TTC12: variants seen among roughly 807,000 people sequenced by gnomAD.
TTC12 encodes the protein tetratricopeptide repeat protein 12.
A neutral mutation model predicts 90.1 loss-of-function variants in TTC12; 70 were observed. The observed-to-expected ratio is 0.78, with a 90% CI of 0.64 to 0.95. TTC12 has a LOEUF of 0.95. TTC12 is among the 40% of genes least tolerant of loss of function. The probability of loss-of-function intolerance (pLI) is 0.00; values close to 1 mark genes in which losing one functional copy is unlikely to be tolerated. For synonymous variants in TTC12, 296 were observed against 311.5 expected, an observed-to-expected ratio of 0.95 and a Z score of 0.53; for missense variants, 819 against 846.1, an observed-to-expected ratio of 0.97 and a Z score of 0.40.
intron 13 of TTC12, among the ~76,000 whole-genome samples, chr11:113,348,197 A>G (rs1272900065): frequency 6.6e-6 from 1 of 152,132 alleles, no homozygotes; most frequent in African/African-American, 2.4e-5. Flanking sequence ...ATAAATCAAA[A>G]TTGGGTCTTC....
chr11:113,361,881 T>A (rs187416354), intron 18 of TTC12, among the ~76,000 whole-genome samples: 2 of 150,988 alleles, frequency 1.3e-5, no homozygotes, highest in East Asian at 3.9e-4. Context: ...AAAAAAATAG[T>A]AACTATCATT....
intron 16 of TTC12, among the ~76,000 whole-genome samples, chr11:113,353,795 G>A (rs950033855): frequency 1.8e-4 from 27 of 152,048 alleles, no homozygotes; most frequent in Non-Finnish European, 3.2e-4. Flanking sequence ...TTATTTCTGC[G>A]TTCTTTATTC....
chr11:113,344,361 C>A lies in TTC12; in HGVS notation c.1075C>A (p.Gln359Lys). Reference protein sequence around the residue: ...LSSKVLAIRQQSFALLLHLAQ... With the variant: ...LSSKVLAIRQKSFALLLHLAQ... Reference sequence around the variant, plus strand: ...CTCCAAGGTCCTGGCCATCCGGCAGCAGAGCTTTGCCCTGCTGCTGCATCT... The same window carrying A: ...CTCCAAGGTCCTGGCCATCCGGCAGAAGAGCTTTGCCCTGCTGCTGCATCT... The change falls in exon 13 of 22, where the codon CAG (glutamine) becomes AAG (lysine). Residue 359 changes from glutamine to lysine, a missense_variant. Gln to Lys is a moderately conservative substitution (Grantham distance 53, BLOSUM62 1). Coordinates refer to ENST00000529221, the MANE Select transcript of TTC12 (RefSeq NM_017868.4). The A allele has an allele frequency of 6.2e-7, 1 of 1,614,228 alleles. No individual in the cohort carries two copies. The highest frequency in any genetic ancestry group is 8.5e-7 in the Non-Finnish European group (1 of 1,180,036).
At chr11:113,319,035 G>A (rs1555137046) in intron 2 of TTC12, among the ~76,000 whole-genome samples, 1 of 152,136 alleles carries the variant, frequency 6.6e-6, no homozygotes, top group African/African-American at 2.4e-5. Flanking sequence ...AAAGAGTACA[G>A]TATGGAAAGG....
chr11:113,356,407 T>C (rs782650684), intron 16 of TTC12, among the ~76,000 whole-genome samples: 3 of 152,242 alleles, frequency 2.0e-5, no homozygotes, highest in Admixed American at 1.3e-4. Flanking sequence ...CCACTCTGTG[T>C]CTTGGGACAT....
intron 2 of TTC12, among the ~76,000 whole-genome samples, chr11:113,322,828 A>G (rs1555139111): frequency 6.6e-6 from 1 of 152,174 alleles, no homozygotes; most frequent in Non-Finnish European, 1.5e-5. Context: ...CATGGAATCT[A>G]AGCTGGATAA....
rs535442769 is a variant in TTC12 at position 113,366,346 on chromosome 11, C to T, written c.*46C>T. The T allele has an allele frequency of 3.3e-5, 53 of 1,609,606 alleles. No homozygotes were observed. The highest frequency in any genetic ancestry group is 1.5e-4 in the South Asian group (14 of 90,950). ...ATTTGGGGAACACACAGATGCACAC[C>T]GTGTGTTGTTCCTATGCTAATAAAG... On this transcript the variant is annotated 3_prime_UTR_variant, in exon 22 of 22. Transcript: ENST00000529221.
chr11:113,368,539 ACTCCATCACCATC>A (rs1328900676), downstream of TTC12: 1 of 1,517,582 alleles, frequency 6.6e-7, no homozygotes, highest in Non-Finnish European at 9.0e-7. Context: ...CCGGGATGGA[ACTCCATCACCATC>A]CTGAAGCCAC....
intron 6 of TTC12, 24 bp downstream of exon 6, chr11:113,325,669 A>C (rs1555140853): frequency 3.7e-6 from 6 of 1,610,940 alleles, no homozygotes; most frequent in Non-Finnish European, 5.1e-6. Flanking sequence ...GGATGTATCC[A>C]TGGGGCTTTC....
At chr11:113,317,543 C>G (rs1555136238) in intron 2 of TTC12, among the ~76,000 whole-genome samples, 2 of 152,154 alleles carry the variant, frequency 1.3e-5, no homozygotes, top group Non-Finnish European at 2.9e-5. Context: ...TTTCCTGTCT[C>G]CAGGCTTATA....
chr11:113,330,015 G>T, intron 7 of TTC12, 36 bp downstream of exon 7: 2 of 1,550,760 alleles, frequency 1.3e-6, no homozygotes, highest in Non-Finnish European at 1.8e-6. Context: ...TGATAGTGTT[G>T]GGCTGAAGTA....
intron 2 of TTC12, 149 bp downstream of exon 2, chr11:113,316,464 G>T: frequency 2.4e-6 from 1 of 415,166 alleles, no homozygotes; most frequent in East Asian, 3.6e-5. Flanking sequence ...TGAGAAACAA[G>T]TTATAGCCTC....
intron 16 of TTC12, among the ~76,000 whole-genome samples, 189 bp downstream of exon 16, chr11:113,352,396 T>A (rs868933162): frequency 1.3e-5 from 2 of 152,150 alleles, no homozygotes; most frequent in Non-Finnish European, 2.9e-5. Context: ...CAAGTCTCAT[T>A]TGCCCTGGGG....
In TTC12 at chr11:113,339,402, C is replaced by T. The variant is rs781999126; in HGVS notation, c.754C>T (p.Leu252Phe). The change falls in exon 10 of 22, where the codon CTT (leucine) becomes TTT (phenylalanine). Residue 252 changes from leucine (L) to phenylalanine (F), a missense_variant. By Grantham distance (22) the Leu-to-Phe change is conservative. Coordinates refer to ENST00000529221, the MANE Select transcript of TTC12 (RefSeq NM_017868.4). ...GACCACCAAGAACCTCCTGGAGACC[C>T]TTTCCAAGCCTGACCAGATCCCCTT... ...AVTTKNLLETLSKPDQIPLFY... is the reference protein window; with the variant it reads ...AVTTKNLLETFSKPDQIPLFY... 3 of 1,613,884 alleles carry T rather than the reference C, an allele frequency of 1.9e-6. No individual in the cohort carries two copies. Among genetic ancestry groups the T allele is most frequent in the South Asian group, 2.2e-5 (2 of 91,064 alleles).
At chr11:113,321,616 T>C (rs1555138500) in intron 2 of TTC12, among the ~76,000 whole-genome samples, 1 of 152,202 alleles carries the variant, frequency 6.6e-6, no homozygotes, top group African/African-American at 2.4e-5. Context: ...GCAAGAATGG[T>C]TACAAATTCC....
In TTC12 at chr11:113,340,733, GGTAGGGAT is replaced by G; in HGVS notation, c.896+3_896+10del. Reference sequence around the variant, plus strand: ...ATCAGTGACAACGAGGTCATAAGAAGGTAGGGATGTTCATAGAGACAGCCCAGCAGCAA... The same window carrying G: ...ATCAGTGACAACGAGGTCATAAGAAGGTTCATAGAGACAGCCCAGCAGCAA... On this transcript the variant is annotated splice_donor_variant and splice_donor_5th_base_variant and intron_variant, in intron 11 of 21. Transcript: ENST00000529221. LOFTEE classifies it high-confidence loss of function. 1 of 1,612,884 alleles carries G rather than the reference GGTAGGGAT, an allele frequency of 6.2e-7. No homozygotes were observed. The highest frequency in any genetic ancestry group is 8.5e-7 in the Non-Finnish European group (1 of 1,178,878).
chr11:113,359,562 C>A, intron 17 of TTC12, 101 bp downstream of exon 17: 1 of 793,614 alleles, frequency 1.3e-6, no homozygotes, highest in Non-Finnish European at 2.2e-6. Context: ...GAAGCATGTA[C>A]ACTCACACAC....
At chr11:113,352,526 G>T (rs1019679348) in intron 16 of TTC12, among the ~76,000 whole-genome samples, 3 of 151,784 alleles carry the variant, frequency 2.0e-5, no homozygotes, top group African/African-American at 7.3e-5. Context: ...TTGTGTCATG[G>T]GGGTTTGTTG....
intron 16 of TTC12, among the ~76,000 whole-genome samples, chr11:113,356,084 AG>A (rs1555152354): frequency 6.6e-6 from 1 of 152,228 alleles, no homozygotes; most frequent in African/African-American, 2.4e-5. Flanking sequence ...GTCTCTTTGA[AG>A]GTCTCTAAGA....
Sources: gnomAD v4.1 joint callset for allele counts (sites outside exome capture counted in the v4.1 genomes callset) on GRCh38, gnomAD v4.1.1 for gene constraint, MANE v1.5 for transcripts, NCBI Gene and HGNC (gene_info 2026-07-23, HGNC 2026-07-21) for gene names.